Variants in PKIB observed in about 807,000 individuals in gnomAD.
The protein encoded by PKIB is cAMP-dependent protein kinase inhibitor beta, also known as PKI-beta.
In PKIB, 2 loss-of-function variants were observed where a neutral mutation model predicts 4.5. The ratio of observed to expected loss-of-function variants is 0.44; its 90% CI spans 0.18 to 1.39. PKIB has a LOEUF of 1.39. Ranked by LOEUF, PKIB falls within the 40% of genes most tolerant of loss-of-function variation. The pLI is 0.27. For synonymous variants in PKIB, 38 were observed against 36.0 expected, an observed-to-expected ratio of 1.06 and a Z score of -0.20; for missense variants, 94 against 92.6, an observed-to-expected ratio of 1.02 and a Z score of -0.06.
At chr6:122,621,685 AC>A (rs1295753207) in intron 1 of PKIB, among the ~76,000 whole-genome samples, 2 of 152,242 alleles carry the variant, frequency 1.3e-5, no homozygotes, top group Non-Finnish European at 2.9e-5. Context: ...ACACTAAGGG[AC>A]AGTGACAGGA....
intron 3 of PKIB, among the ~76,000 whole-genome samples, chr6:122,698,261 A>T (rs1468814869): frequency 6.6e-6 from 1 of 152,164 alleles, no homozygotes; most frequent in Admixed American, 6.5e-5. Flanking sequence ...TAGGAAAGGG[A>T]TGACTTCCCC....
intron 2 of PKIB, among the ~76,000 whole-genome samples, chr6:122,511,454 G>T (rs1399036623): frequency 6.6e-6 from 1 of 152,062 alleles, no homozygotes; most frequent in African/African-American, 2.4e-5. Context: ...AAACTTTTTT[G>T]TCCTCAGGAG....
intron 3 of PKIB, among the ~76,000 whole-genome samples, chr6:122,601,479 A>G (rs1407511599): frequency 6.6e-6 from 1 of 152,134 alleles, no homozygotes; most frequent in East Asian, 1.9e-4. Flanking sequence ...ACTACTCAAG[A>G]AAAGGGATCT....
intron 2 of PKIB, among the ~76,000 whole-genome samples, chr6:122,576,592 C>A (rs527676268): frequency 7.2e-6 from 1 of 138,718 alleles, no homozygotes; most frequent in South Asian, 2.4e-4. Flanking sequence ...GGCGTGAACC[C>A]GGGAGGAGGT....
At chr6:122,662,282 T>C (rs2114916455) in intron 2 of PKIB, among the ~76,000 whole-genome samples, 1 of 146,974 alleles carries the variant, frequency 6.8e-6, no homozygotes, top group Non-Finnish European at 1.5e-5. Flanking sequence ...GGTCTCTTTC[T>C]CTCTCCTTCT....
intron 3 of PKIB, among the ~76,000 whole-genome samples, chr6:122,675,484 A>T (rs748412530): frequency 6.6e-6 from 1 of 152,244 alleles, no homozygotes; most frequent in Non-Finnish European, 1.5e-5. Context: ...TGTCACATCA[A>T]TGAGAAGGAA....
At chr6:122,610,122 G>A (rs1774684502), upstream of PKIB, 1 of 152,246 alleles carries the variant, frequency 6.6e-6, no homozygotes, top group Non-Finnish European at 1.5e-5. Flanking sequence ...ATCGCCCAAG[G>A]GAACTGGGAG....
chr6:122,640,495 A>T (rs548278372), intron 2 of PKIB, among the ~76,000 whole-genome samples: 50 of 152,318 alleles, frequency 3.3e-4, no homozygotes, highest in Admixed American at 1.2e-3. Flanking sequence ...ATATCAAAGA[A>T]GATCTTGGAC....
chr6:122,640,485 A>G (rs1000604280), intron 2 of PKIB, among the ~76,000 whole-genome samples: 1 of 152,164 alleles, frequency 6.6e-6, no homozygotes, highest in Admixed American at 6.6e-5. Flanking sequence ...TCAGTTTGTC[A>G]TATCAAAGAA....
chr6:122,553,971 A>C (rs1772765141), intron 2 of PKIB, among the ~76,000 whole-genome samples: 1 of 152,214 alleles, frequency 6.6e-6, no homozygotes, highest in African/African-American at 2.4e-5. Context: ...CTTCTAGTTT[A>C]GGGAAAAATT....
chr6:122,553,287 G>C (rs1356027170), intron 2 of PKIB, among the ~76,000 whole-genome samples: 2 of 151,932 alleles, frequency 1.3e-5, no homozygotes, highest in Non-Finnish European at 2.9e-5. Flanking sequence ...TGGTACAAAA[G>C]TAATTGCAGT....
intron 2 of PKIB, among the ~76,000 whole-genome samples, chr6:122,509,358 A>G (rs1776517538): frequency 6.6e-6 from 1 of 152,088 alleles, no homozygotes; most frequent in South Asian, 2.1e-4. Context: ...ATTTTTATGT[A>G]TTGGAACTAC....
chr6:122,683,679 G>T (rs149443796), intron 3 of PKIB, among the ~76,000 whole-genome samples: 1 of 152,132 alleles, frequency 6.6e-6, no homozygotes, highest in Non-Finnish European at 1.5e-5. Flanking sequence ...CTACTCCCAA[G>T]CAAGATGGCT....
In PKIB at chr6:122,643,925, G is replaced by C. The variant is rs1038585459; in HGVS notation, c.-76+10558G>C. On this transcript the variant is annotated intron_variant, in intron 2 of 4. Transcript: ENST00000368452. ...ATTTTCATTGCTAATTATTGGTAAA[G>C]TCTTTAGTATATGTCAGTTCTGTTT... The C allele has an allele frequency of 2.0e-5, 3 of 152,078 alleles. No individual in the cohort carries two copies. In the East Asian group the frequency reaches 5.8e-4, roughly 29 times the overall value. 9.4% of individuals were successfully genotyped at this position (152,078 alleles called of 1,614,324 possible). A position where few individuals can be genotyped will look rare whatever the true frequency, so the allele number is the denominator to read the frequency against.
chr6:122,504,267 G>T (rs572246036), intron 2 of PKIB, among the ~76,000 whole-genome samples: 1 of 151,934 alleles, frequency 6.6e-6, no homozygotes, highest in East Asian at 1.9e-4. Context: ...TTCTCTTTCT[G>T]GTTCTTCCTT....
intron 2 of PKIB, among the ~76,000 whole-genome samples, chr6:122,574,787 A>G (rs749632037): frequency 2.6e-5 from 4 of 152,234 alleles, no homozygotes; most frequent in Non-Finnish European, 2.9e-5. Context: ...ACCTAAAATC[A>G]TAACAATTCT....
intron 3 of PKIB, among the ~76,000 whole-genome samples, chr6:122,696,340 A>G (rs1030723643): frequency 6.6e-6 from 1 of 152,222 alleles, no homozygotes; most frequent in Non-Finnish European, 1.5e-5. Flanking sequence ...AGAATTCAGG[A>G]TGTAATGAGA....
At position 122,715,588 on chromosome 6, in the gene PKIB, A is replaced by C. The variant is rs552195737; in HGVS notation, c.-8-2199A>C. 2.6e-5 allele frequency among the ~76,000 whole-genome samples: 4 copies of C among 151,538 alleles called. No individual in the cohort carries two copies. In the East Asian group the frequency reaches 7.7e-4, roughly 29 times the overall value. On this transcript the variant is annotated intron_variant, in intron 3 of 4. Transcript: ENST00000368452. Reference sequence around the variant, plus strand: ...AAAAGACAGGGAACCAATTATGTGCATCAGTTGTATATATATATATGAAGA... The same window carrying C: ...AAAAGACAGGGAACCAATTATGTGCCTCAGTTGTATATATATATATGAAGA...
chr6:122,678,850 T>A (rs1256551691), intron 3 of PKIB, among the ~76,000 whole-genome samples: 2 of 152,182 alleles, frequency 1.3e-5, no homozygotes, highest in Admixed American at 6.5e-5. Flanking sequence ...ACAATATAAA[T>A]GTACAACATT....
Sources: allele counts gnomAD v4.1 joint callset (sites outside exome capture counted in the v4.1 genomes callset), GRCh38; gene constraint gnomAD v4.1.1; transcripts MANE v1.5; gene names NCBI Gene and HGNC (gene_info 2026-07-23, HGNC 2026-07-21).